UNC13C: variants seen among roughly 807,000 people sequenced by gnomAD.
UNC13C encodes protein unc-13 homolog C.
A neutral mutation model predicts 245.4 loss-of-function variants in UNC13C; 174 were observed. The ratio of observed to expected loss-of-function variants is 0.71; its 90% CI spans 0.63 to 0.80. The LOEUF is 0.80. Ranked by LOEUF, UNC13C falls within the 30% of genes least tolerant of loss-of-function variation. The pLI, the probability that UNC13C is intolerant of heterozygous loss-of-function variation, is 0.00. For missense variants in UNC13C, 2,829 were observed against 2,602.9 expected (o/e 1.09, Z -1.89); for synonymous variants, 992 against 895.1 (o/e 1.11, Z -1.93).
chr15:54,129,833 T>A (rs980622768), intron 2 of UNC13C, among the ~76,000 whole-genome samples: 1 of 151,464 alleles, frequency 6.6e-6, no homozygotes, highest in Non-Finnish European at 1.5e-5. Context: ...ATTACAACTT[T>A]AAAAAAGTCT....
chr15:53,996,027 A>G (rs2725598), intron 1 of UNC13C, among the ~76,000 whole-genome samples: 16 of 152,218 alleles, frequency 1.1e-4, no homozygotes, highest in African/African-American at 3.9e-4. Context: ...AGATATAAAT[A>G]TGCTTATTGC....
At chr15:54,001,205 T>C (rs540227241) in intron 1 of UNC13C, among the ~76,000 whole-genome samples, 21 of 152,318 alleles carry the variant, frequency 1.4e-4, no homozygotes, top group African/African-American at 5.1e-4. Flanking sequence ...CCCTGGTACA[T>C]TGCTTTGGGA....
chr15:54,241,854 A>G (rs967286325), intron 7 of UNC13C, among the ~76,000 whole-genome samples: 1 of 152,114 alleles, frequency 6.6e-6, no homozygotes, highest in African/African-American at 2.4e-5. Flanking sequence ...TTTCCTTTCC[A>G]GGAAGTACTG....
rs368170592 is a variant in UNC13C at position 54,086,796 on chromosome 15, C to T, written c.2984-56222C>T. On this transcript the variant is annotated intron_variant, in intron 2 of 32. Coordinates refer to ENST00000260323, the MANE Select transcript of UNC13C (RefSeq NM_001080534.3). ...AGTCGCCCAGGCTGGAGTGCAGTGGCGAGATCTCAGCTCACTGCAGCCTCC... is the reference window on the plus strand; with the variant it reads ...AGTCGCCCAGGCTGGAGTGCAGTGGTGAGATCTCAGCTCACTGCAGCCTCC... 7.0e-4 allele frequency among the ~76,000 whole-genome samples: 87 copies of T among 124,818 alleles called. 3 individuals carry two copies. In the South Asian group the frequency reaches 0.011, roughly 15 times the overall value. The allele number at this position is 124,818 out of a possible 152,430, so 81.9% of individuals were successfully genotyped here.
rs191191960 is a variant in UNC13C at position 54,114,277 on chromosome 15, A to G, written c.2984-28741A>G. ...TTTTAATTAAAAGAATAAAGCACTA[A>G]GGATGAAATTGGAGTCTCCTTATTT... On this transcript the variant is annotated intron_variant, in intron 2 of 32. Coordinates refer to ENST00000260323, the MANE Select transcript of UNC13C (RefSeq NM_001080534.3). Among the ~76,000 whole-genome samples, 3 of 152,344 alleles carry G rather than the reference A, an allele frequency of 2.0e-5. No individual in the cohort carries two copies. The East Asian group carries it at 5.8e-4, about 29-fold the overall frequency.
the UNC13C span, among the ~76,000 whole-genome samples, chr15:53,960,174 A>G: frequency 1.3e-3 from 191 of 152,160 alleles, 1 homozygote; most frequent in African/African-American, 3.8e-3. Flanking sequence ...CTGGGTTTGG[A>G]TCCCCATTCT....
At chr15:54,614,279 C>G (rs989925851) in intron 30 of UNC13C, among the ~76,000 whole-genome samples, 2 of 151,910 alleles carry the variant, frequency 1.3e-5, no homozygotes, top group African/African-American at 4.8e-5. Flanking sequence ...TGCTAATACC[C>G]ACATCCCCAA....
chr15:54,404,963 A>T (rs1300289324), intron 18 of UNC13C, among the ~76,000 whole-genome samples: 1 of 152,188 alleles, frequency 6.6e-6, no homozygotes, highest in African/African-American at 2.4e-5. Flanking sequence ...AGTAAGTACA[A>T]ATATAAATTT....
intron 4 of UNC13C, among the ~76,000 whole-genome samples, chr15:54,151,892 T>G (rs1246420168): frequency 6.6e-6 from 1 of 152,204 alleles, no homozygotes; most frequent in Non-Finnish European, 1.5e-5. Context: ...TCCTTTCATC[T>G]TTAGGTGACT....
chr15:54,337,146 T>C (rs1241066828), intron 16 of UNC13C, among the ~76,000 whole-genome samples: 2 of 152,190 alleles, frequency 1.3e-5, no homozygotes, highest in African/African-American at 2.4e-5. Context: ...ATTGGCTCTT[T>C]TGGGAGCAGG....
the UNC13C span, chr15:53,947,587 T>C: frequency 2.6e-5 from 4 of 152,180 alleles, no homozygotes; most frequent in Non-Finnish European, 5.9e-5. Context: ...GTACCTCTCA[T>C]TGGTGATGTT....
chr15:54,576,556 C>A (rs1313754996), intron 30 of UNC13C, among the ~76,000 whole-genome samples: 1 of 152,164 alleles, frequency 6.6e-6, no homozygotes, highest in Non-Finnish European at 1.5e-5. Flanking sequence ...GCCAGGACAC[C>A]TTTTAAGTAA....
upstream of UNC13C, among the ~76,000 whole-genome samples, chr15:53,978,342 C>G (rs1164518224): frequency 1.3e-5 from 2 of 152,056 alleles, no homozygotes; most frequent in Admixed American, 6.6e-5. Flanking sequence ...GGGGCTGTAG[C>G]TCACCCTCTC....
chr15:54,425,332 C>T (rs986889713), intron 19 of UNC13C, among the ~76,000 whole-genome samples: 3 of 151,634 alleles, frequency 2.0e-5, no homozygotes, highest in African/African-American at 4.8e-5. Flanking sequence ...CCTGGGGCTA[C>T]AAGAGAAGAT....
chr15:54,191,386 T>A (rs1005441336), intron 4 of UNC13C, among the ~76,000 whole-genome samples: 2 of 152,214 alleles, frequency 1.3e-5, no homozygotes, highest in African/African-American at 2.4e-5. Context: ...GAACTCATCC[T>A]TTTTTATGGC....
chr15:54,553,457 T>C (rs371813814), intron 28 of UNC13C, among the ~76,000 whole-genome samples: 2 of 137,346 alleles, frequency 1.5e-5, no homozygotes, highest in South Asian at 2.1e-4. Flanking sequence ...TAATATATAA[T>C]ATATATTACA....
intron 14 of UNC13C, among the ~76,000 whole-genome samples, chr15:54,328,755 C>T (rs73415710): frequency 0.01 from 1,532 of 152,076 alleles, 21 homozygotes; most frequent in African/African-American, 0.035. Context: ...AAATGCAGTC[C>T]ACTAACTCAC....
At chr15:54,254,331 A>G (rs2036225704) in intron 8 of UNC13C, among the ~76,000 whole-genome samples, 1 of 152,220 alleles carries the variant, frequency 6.6e-6, no homozygotes, top group Non-Finnish European at 1.5e-5. Flanking sequence ...CTAATACATA[A>G]CTTAGATGAA....
chr15:54,035,291 A>G (rs1244289209), intron 2 of UNC13C, among the ~76,000 whole-genome samples: 1 of 152,212 alleles, frequency 6.6e-6, no homozygotes, highest in Admixed American at 6.5e-5. Flanking sequence ...AAAGTGCAGA[A>G]TAGCATGTTA....
Sources: allele counts gnomAD v4.1 joint callset (sites outside exome capture counted in the v4.1 genomes callset), GRCh38; gene constraint gnomAD v4.1.1; transcripts MANE v1.5; gene names NCBI Gene and HGNC (gene_info 2026-07-23, HGNC 2026-07-21).